The following ZMAT1 variants were observed in gnomAD, a reference collection of about 807,000 sequenced individuals.
The protein encoded by ZMAT1 is zinc finger matrin-type 1.
ZMAT1 carries 11 observed loss-of-function variants against 18.5 expected under a neutral mutation model. The observed-to-expected ratio is 0.59, with a 90% CI of 0.37 to 0.98. ZMAT1 has a LOEUF of 0.98. Among genes scored for constraint, ZMAT1 ranks in the 50% least tolerant of loss-of-function variants. The pLI, the probability that ZMAT1 is intolerant of heterozygous loss-of-function variation, is 0.01. For missense variants in ZMAT1, 525 were observed against 496.2 expected, an observed-to-expected ratio of 1.06 and a Z score of -0.55; for synonymous variants, 211 against 176.4, an observed-to-expected ratio of 1.20 and a Z score of -1.55.
chrX:101,931,393 A>G (rs1386951623), intron 1 of ZMAT1: 1 of 724,314 alleles, frequency 1.4e-6, no homozygotes, highest in East Asian at 1.5e-4. Context: ...CCTACAGCAC[A>G]CTAAGGTGTC....
chrX:101,919,787 G>A (rs1348040123), intron 1 of ZMAT1, among the ~76,000 whole-genome samples: 2 of 111,194 alleles, frequency 1.8e-5, no homozygotes, highest in South Asian at 3.8e-4. Context: ...GGACAATAAC[G>A]GAAAGCTTAG....
In ZMAT1 at chrX:101,882,433, A is replaced by T. The variant is rs1392443346; in HGVS notation, c.*1077T>A. 1 of 112,263 alleles carries T rather than the reference A, an allele frequency of 8.9e-6. No individual in the cohort carries two copies. The highest frequency in any genetic ancestry group is 1.9e-5 in the Non-Finnish European group (1 of 53,089). 9.3% of individuals were successfully genotyped at this position (112,263 alleles called of 1,213,427 possible). A position where few individuals can be genotyped will look rare whatever the true frequency, so the allele number is the denominator to read the frequency against. ...TTCCACTTTCAGAACTAGAAAATGC[A>T]AAAATACACTGCAAATTAGATTTAA... On this transcript the variant is annotated 3_prime_UTR_variant, in exon 6 of 6. Transcript: ENST00000651725.
chrX:101,894,951 G>A, intron 4 of ZMAT1: 5 of 673,156 alleles, frequency 7.4e-6, no homozygotes, highest in Non-Finnish European at 8.8e-6. Flanking sequence ...AGAGCAAGTG[G>A]ATCACTCCAG....
chrX:101,930,655 T>A (rs1248462108), intron 1 of ZMAT1, among the ~76,000 whole-genome samples: 1 of 112,194 alleles, frequency 8.9e-6, no homozygotes, highest in Non-Finnish European at 1.9e-5. Context: ...ATCTTTCACT[T>A]TGGAGGCAAG....
chrX:101,897,790 A>T, intron 4 of ZMAT1, 78 bp downstream of exon 4: 1 of 922,302 alleles, frequency 1.1e-6, no homozygotes, highest in Non-Finnish European at 1.5e-6. Flanking sequence ...CTCCCCCACT[A>T]AAAAGGATAT....
Position 101,927,843 on chromosome X carries a change from T to C in ZMAT1, c.292+3874A>G, listed in dbSNP as rs954419177. On this transcript the variant is annotated intron_variant, in intron 1 of 5. Coordinates refer to ENST00000651725, the MANE Select transcript of ZMAT1 (RefSeq NM_001394560.1). The stretch of plus-strand genomic sequence containing the variant: ...ATCAAAGTTTTTATCCTAACTGATA[T>C]GTAATAAATATAGTAGGGGGTATGC... Among the ~76,000 whole-genome samples the C allele has an allele frequency of 3.6e-5, 4 of 112,307 alleles. No homozygotes were observed. In the East Asian group the frequency reaches 1.1e-3, roughly 31 times the overall value.
intron 4 of ZMAT1, chrX:101,887,997 T>TGATTGTA (rs1428256167): frequency 4.5e-5 from 5 of 111,488 alleles, no homozygotes; most frequent in Admixed American, 9.5e-5. Flanking sequence ...GTACAATGTT[T>TGATTGTA]CCCAGACTTC....
chrX:101,905,068 GT>G (rs1299173819), intron 1 of ZMAT1, among the ~76,000 whole-genome samples: 1 of 112,137 alleles, frequency 8.9e-6, no homozygotes, highest in Non-Finnish European at 1.9e-5. Flanking sequence ...CAGGATTCTC[GT>G]TAAGAATCAA....
chrX:101,915,286 G>A (rs1376494500), intron 1 of ZMAT1, among the ~76,000 whole-genome samples: 3 of 69,528 alleles, frequency 4.3e-5, no homozygotes, highest in Non-Finnish European at 9.7e-5. Context: ...TGACAAGGAT[G>A]CCCAGTGTCA....
At chrX:101,924,585 A>G (rs1348669641) in intron 1 of ZMAT1, among the ~76,000 whole-genome samples, 1 of 112,177 alleles carries the variant, frequency 8.9e-6, no homozygotes, top group Non-Finnish European at 1.9e-5. Flanking sequence ...AAGTACTATC[A>G]AAACCTAGGT....
chrX:101,913,830 C>T (rs776213305), intron 1 of ZMAT1, among the ~76,000 whole-genome samples: 8 of 111,874 alleles, frequency 7.2e-5, no homozygotes, highest in South Asian at 7.4e-4. Flanking sequence ...ATCTGCACTA[C>T]GGATGAAATG....
Position 101,884,496 on chromosome X carries a change from A to G in ZMAT1, c.1102T>C (p.Tyr368His). Residue 368 changes from tyrosine to histidine, a missense_variant, in exon 6 of 6, where the codon TAC becomes CAC. By Grantham distance (83) the Tyr-to-His change is moderately conservative. Transcript: ENST00000651725. The stretch of plus-strand genomic sequence containing the variant: ...CCTCTGGCTTTCTGTACTTTGATGT[A>G]ATCTTCAAGTTCATCTTGGAAAGAG... ...YDSFQDELED[Y>H]IKVQKARGLD... 8.3e-7 allele frequency: 1 copy of G among 1,211,230 alleles called. No homozygotes were observed. The highest frequency in any genetic ancestry group is 1.1e-6 in the Non-Finnish European group (1 of 895,175).
chrX:101,892,635 G>T, intron 4 of ZMAT1: 1 of 410,404 alleles, frequency 2.4e-6, no homozygotes, highest in Non-Finnish European at 3.1e-6. Flanking sequence ...AGGCATCTGA[G>T]TGCAATAATG....
At chrX:101,902,222 A>G (rs1928287018) in intron 2 of ZMAT1, among the ~76,000 whole-genome samples, 2 of 111,743 alleles carry the variant, frequency 1.8e-5, no homozygotes, top group South Asian at 7.4e-4. Context: ...GTCCTGTGTG[A>G]TCACTAGTGA....
At chrX:101,891,505 T>C (rs1927396008) in intron 4 of ZMAT1, among the ~76,000 whole-genome samples, 1 of 111,021 alleles carries the variant, frequency 9.0e-6, no homozygotes, top group Non-Finnish European at 1.9e-5. Context: ...CAGAGAGATT[T>C]TGGAGATGTC....
Position 101,883,449 on chromosome X carries a change from C to T in ZMAT1, c.*61G>A. ...TTTTCTTCATCAGGTGTTCCTTTTTCTAAATCCATATTGACTGTTTTTTTT... is the reference window on the plus strand; with the variant it reads ...TTTTCTTCATCAGGTGTTCCTTTTTTTAAATCCATATTGACTGTTTTTTTT... On this transcript the variant is annotated 3_prime_UTR_variant, in exon 6 of 6. Coordinates refer to ENST00000651725, the MANE Select transcript of ZMAT1 (RefSeq NM_001394560.1). The T allele has an allele frequency of 1.0e-6, 1 of 988,343 alleles. No homozygotes were observed. The highest frequency in any genetic ancestry group is 1.4e-6 in the Non-Finnish European group (1 of 739,169). The allele number at this position is 988,343 out of a possible 1,213,427, so 81.5% of individuals were successfully genotyped here. A position where few individuals can be genotyped will look rare whatever the true frequency, so the allele number is the denominator to read the frequency against.
chrX:101,906,672 G>A (rs1024966136), intron 1 of ZMAT1, among the ~76,000 whole-genome samples: 10 of 111,561 alleles, frequency 9.0e-5, no homozygotes, highest in Admixed American at 2.8e-4. Flanking sequence ...CCAGGTCCCA[G>A]GCTGGCCCTG....
intron 2 of ZMAT1, among the ~76,000 whole-genome samples, chrX:101,900,366 A>G (rs1485303111): frequency 2.7e-5 from 3 of 111,129 alleles, no homozygotes; most frequent in Non-Finnish European, 5.7e-5. Context: ...TTGGTCATGA[A>G]ATCCTTGCCT....
At chrX:101,914,947 T>C (rs1929218019) in intron 1 of ZMAT1, among the ~76,000 whole-genome samples, 1 of 111,282 alleles carries the variant, frequency 9.0e-6, no homozygotes, top group African/African-American at 3.3e-5. Flanking sequence ...CAACAAAATA[T>C]AGCAAACAGA....
Sources: allele counts gnomAD v4.1 joint callset (sites outside exome capture counted in the v4.1 genomes callset), GRCh38; gene constraint gnomAD v4.1.1; transcripts MANE v1.5; gene names NCBI Gene and HGNC (gene_info 2026-07-23, HGNC 2026-07-21).